The following TRIP13 variants were observed in gnomAD, a reference collection of about 807,000 sequenced individuals.
The protein encoded by TRIP13 is thyroid hormone receptor interactor 13.
In TRIP13, 25 loss-of-function variants were observed where a neutral mutation model predicts 54.4. The observed-to-expected ratio is 0.46, with a 90% CI of 0.33 to 0.64. TRIP13 has a LOEUF of 0.64. Among genes scored for constraint, TRIP13 ranks in the 30% least tolerant of loss-of-function variants. The pLI is 0.02. For missense variants in TRIP13, 373 were observed against 534.2 expected, an observed-to-expected ratio of 0.70 and a Z score of 2.97; for synonymous variants, 207 against 207.8, an observed-to-expected ratio of 1.00 and a Z score of 0.03.
chr5:894,381 CTAT>C (rs1346223529), intron 1 of TRIP13, among the ~76,000 whole-genome samples: 2 of 152,174 alleles, frequency 1.3e-5, no homozygotes, highest in Admixed American at 6.5e-5. Flanking sequence ...CGAATCACGG[CTAT>C]TGGAGACTTG....
rs1754246411 is a variant in TRIP13, at chr5:912,108, A to G, written c.1020+112A>G. The G allele has an allele frequency of 7.6e-7, 1 of 1,321,888 alleles. No homozygotes were observed. Among genetic ancestry groups the G allele is most frequent in the African/African-American group, 1.5e-5 (1 of 67,616 alleles). 81.9% of individuals were successfully genotyped at this position (1,321,888 alleles called of 1,614,324 possible). On this transcript the variant is annotated intron_variant, in intron 10 of 12. Transcript: ENST00000166345. This position sits in a 1 kb window ranked among gnomAD's most constrained non-coding sequence, Gnocchi z 7.2. Reference sequence around the variant, plus strand: ...CAGTACGGAGGATTTCAACATATGCATTAACTCCCTTCTTAAATTGAAAAC... The same window carrying G: ...CAGTACGGAGGATTTCAACATATGCGTTAACTCCCTTCTTAAATTGAAAAC...
intron 9 of TRIP13, among the ~76,000 whole-genome samples, chr5:910,942 G>A (rs1395983997): frequency 1.3e-5 from 2 of 152,194 alleles, no homozygotes; most frequent in Non-Finnish European, 2.9e-5. Context: ...GCCCTCCCTT[G>A]GCCAGGGTCT....
chr5:904,258 A>C, intron 6 of TRIP13, 38 bp downstream of exon 6: 7 of 1,532,162 alleles, frequency 4.6e-6, no homozygotes, highest in Non-Finnish European at 6.2e-6. Flanking sequence ...AGCCATGGGA[A>C]TGGGATTTAT....
chr5:899,953 C>G lies in TRIP13; in HGVS notation c.389-541C>G, dbSNP rs943650758. On this transcript the variant is annotated intron_variant, in intron 3 of 12. Transcript: ENST00000166345. ...GGGGAAACAGGTGGATTTGGATGGG[C>G]TCTAGCAGGCCAAGCCCAGGGCTTC... Among the ~76,000 whole-genome samples, 33 of 146,656 alleles carry G rather than the reference C, an allele frequency of 2.3e-4. 1 individual carries two copies. The highest frequency in any genetic ancestry group is 4.2e-4 in the Non-Finnish European group (28 of 66,620).
In TRIP13 at chr5:907,931, G is replaced by A; in HGVS notation, c.673-57G>A. The A allele has an allele frequency of 2.2e-5, 35 of 1,577,788 alleles. No individual in the cohort carries two copies. Among genetic ancestry groups the A allele is most frequent in the Non-Finnish European group, 2.9e-5 (33 of 1,147,076 alleles). ...CAGCAGGCCACATCAGGGTCCCCCTGTGCACCTGGCAGTGTGGTCCCTGCA... is the reference window on the plus strand; with the variant it reads ...CAGCAGGCCACATCAGGGTCCCCCTATGCACCTGGCAGTGTGGTCCCTGCA... On this transcript the variant is annotated intron_variant, in intron 7 of 12. Transcript: ENST00000166345. This position sits in a 1 kb window ranked among gnomAD's most constrained non-coding sequence, Gnocchi z 4.1.
Position 918,080 on chromosome 5 carries a change from T to C in TRIP13, c.*977T>C, listed in dbSNP as rs1754372068. ...TTTGATTCTAAGTATCTCTTCCAAGTGCTTTTAATTTTACTAAAAATTACT... is the reference window on the plus strand; with the variant it reads ...TTTGATTCTAAGTATCTCTTCCAAGCGCTTTTAATTTTACTAAAAATTACT... On this transcript the variant is annotated 3_prime_UTR_variant, in exon 13 of 13. Transcript: ENST00000166345. This position sits in a 1 kb window ranked among gnomAD's most constrained non-coding sequence, Gnocchi z 4.3. The C allele has an allele frequency of 6.6e-6, 1 of 152,252 alleles. No individual in the cohort carries two copies. Among genetic ancestry groups the C allele is most frequent in the South Asian group, 2.1e-4 (1 of 4,836 alleles). 9.4% of individuals were successfully genotyped at this position (152,252 alleles called of 1,614,324 possible). A position where few individuals can be genotyped will look rare whatever the true frequency, so the allele number is the denominator to read the frequency against.
In TRIP13 at chr5:917,067, G is replaced by C. The variant is rs1489476026; in HGVS notation, c.1263G>C (p.Gln421His). 6.2e-7 allele frequency: 1 copy of C among 1,614,008 alleles called. No individual in the cohort carries two copies. Among genetic ancestry groups the C allele is most frequent in the African/African-American group, 1.3e-5 (1 of 74,908 alleles). Residue 421 changes from glutamine to histidine, a missense_variant, in exon 13 of 13, where the codon CAG becomes CAC. Coordinates refer to ENST00000166345, the MANE Select transcript of TRIP13 (RefSeq NM_004237.4). ...CCCTGTCTCTGGCAGTGGACAAGCAGTTTGAAGAGAGAAAGAAGCTTGCAG... is the reference window on the plus strand; with the variant it reads ...CCCTGTCTCTGGCAGTGGACAAGCACTTTGAAGAGAGAAAGAAGCTTGCAG... ...LQALSLAVDKQFEERKKLAAY... is the reference protein window; with the variant it reads ...LQALSLAVDKHFEERKKLAAY...
chr5:896,878 C>T (rs993778695), intron 3 of TRIP13, 84 bp downstream of exon 3: 2 of 1,427,818 alleles, frequency 1.4e-6, no homozygotes, highest in African/African-American at 2.9e-5. Flanking sequence ...AGGGGGGGTT[C>T]TGTTTGTCCA....
intron 9 of TRIP13, among the ~76,000 whole-genome samples, chr5:910,176 A>G (rs1754201258): frequency 1.3e-5 from 2 of 152,216 alleles, no homozygotes; most frequent in African/African-American, 4.8e-5. Flanking sequence ...GCAGCCCAGC[A>G]GCCCCGCATT....
Position 893,034 on chromosome 5 carries a change from T to A in TRIP13, c.36T>A (p.Leu12=). 1.3e-6 allele frequency: 2 copies of A among 1,596,288 alleles called. No homozygotes were observed. The highest frequency in any genetic ancestry group is 1.7e-6 in the Non-Finnish European group (2 of 1,175,318). Residue 12 remains leucine, a synonymous_variant, in exon 1 of 13, where the codon CTT becomes CTA. Transcript: ENST00000166345. ...CCGTGGGCGACCTGAAGCAGGCGCT[T>A]CCCTGTGTGGCCGAGTCGCCAACGG... ...DEAVGDLKQA[L]PCVAESPTVH...
chr5:913,631 C>G lies in TRIP13; in HGVS notation c.1021-834C>G, dbSNP rs1754284912. On this transcript the variant is annotated intron_variant, in intron 10 of 12. Coordinates refer to ENST00000166345, the MANE Select transcript of TRIP13 (RefSeq NM_004237.4). This position sits in a 1 kb window ranked among gnomAD's most constrained non-coding sequence, Gnocchi z 4.5. ...TCAGCCTTCCAAAGTGCTGAGGTTA[C>G]AGGCGTGAGCCACCGTGCCCAGTGA... Among the ~76,000 whole-genome samples, 1 of 152,198 alleles carries G rather than the reference C, an allele frequency of 6.6e-6. No individual in the cohort carries two copies. The highest frequency in any genetic ancestry group is 2.1e-4 in the South Asian group (1 of 4,834).
intron 9 of TRIP13, among the ~76,000 whole-genome samples, chr5:909,877 G>A (rs1294007654): frequency 2.6e-5 from 4 of 152,226 alleles, no homozygotes; most frequent in Admixed American, 6.5e-5. Context: ...GCCTTTAAGC[G>A]GTTTTCCACC....
At chr5:896,217 G>T (rs1396142689) in intron 2 of TRIP13, among the ~76,000 whole-genome samples, 3 of 152,218 alleles carry the variant, frequency 2.0e-5, no homozygotes, top group Non-Finnish European at 2.9e-5. Context: ...GAAGGCTGGA[G>T]GTGGGAGGAT....
chr5:909,631 G>A (rs531652024), intron 9 of TRIP13, among the ~76,000 whole-genome samples: 1 of 152,382 alleles, frequency 6.6e-6, no homozygotes, highest in South Asian at 2.1e-4. Context: ...GAAGTGGGAA[G>A]TAGGGGTCGC....
At chr5:900,586 T>C (rs1560944918) in intron 4 of TRIP13, 37 bp downstream of exon 4, 6 of 1,604,908 alleles carry the variant, frequency 3.7e-6, no homozygotes, top group South Asian at 2.2e-5. Context: ...TGCCCTGTTA[T>C]TTGAAGAGGA....
chr5:893,293 A>G (rs887200133), intron 1 of TRIP13, among the ~76,000 whole-genome samples: 3 of 151,568 alleles, frequency 2.0e-5, no homozygotes, highest in African/African-American at 7.3e-5. Context: ...CAGGGCACTG[A>G]CCCGGCCGAC....
Position 894,944 on chromosome 5 carries a change from G to A in TRIP13, c.250G>A (p.Asp84Asn). The change falls in exon 2 of 13, where the codon GAC (aspartate) becomes AAC (asparagine). Residue 84 changes from aspartate to asparagine, a missense_variant. Transcript: ENST00000166345. ...TATTGACACAGAATTAAAGGTTAAA[G>A]ACTCACAGGTAAGTTACTAATTTGC... The part of the protein sequence containing the change: ...SIIDTELKVK[D>N]SQPIDLSACT... 6.2e-7 allele frequency: 1 copy of A among 1,606,786 alleles called. No individual in the cohort carries two copies. Among genetic ancestry groups the A allele is most frequent in the Non-Finnish European group, 8.5e-7 (1 of 1,177,772 alleles).
intron 5 of TRIP13, among the ~76,000 whole-genome samples, chr5:902,622 C>T (rs534234404): frequency 5.3e-5 from 8 of 152,278 alleles, no homozygotes; most frequent in African/African-American, 1.9e-4. Context: ...TGAGTTTTCT[C>T]CCCATGTGCA....
rs1352173996 is a variant in TRIP13 at position 901,330 on chromosome 5, T to C, written c.445-11T>C. ...GTATCTTTGTCAAGCTCTTTTCTTT[T>C]TCTCTATCAGCTCCTCGATTATGTG... On this transcript the variant is annotated splice_polypyrimidine_tract_variant and intron_variant, in intron 4 of 12. Transcript: ENST00000166345. 5 of 1,612,224 alleles carry C rather than the reference T, an allele frequency of 3.1e-6. No homozygotes were observed. Among genetic ancestry groups the C allele is most frequent in the Non-Finnish European group, 4.2e-6 (5 of 1,179,476 alleles).
Sources: allele counts gnomAD v4.1 joint callset (sites outside exome capture counted in the v4.1 genomes callset), GRCh38; gene constraint gnomAD v4.1.1; non-coding constraint Gnocchi (gnomAD v3.1); transcripts MANE v1.5; gene names NCBI Gene and HGNC (gene_info 2026-07-23, HGNC 2026-07-21).